The following OXR1 variants were observed in gnomAD, a reference collection of about 807,000 sequenced individuals.
The protein encoded by OXR1 is oxidation resistance 1.
A neutral mutation model predicts 104.6 loss-of-function variants in OXR1; 41 were observed. That is an observed-to-expected ratio of 0.39 (90% CI 0.31 to 0.51). OXR1 has a LOEUF of 0.51. Among genes scored for constraint, OXR1 ranks in the 20% least tolerant of loss-of-function variants. The pLI is 0.77. For missense variants in OXR1, 955 were observed against 1,031.9 expected, an observed-to-expected ratio of 0.93 and a Z score of 1.02; for synonymous variants, 348 against 348.4, an observed-to-expected ratio of 1.00 and a Z score of 0.01.
chr8:106,328,857 G>A (rs2130213288), intron 1 of OXR1, among the ~76,000 whole-genome samples: 1 of 152,256 alleles, frequency 6.6e-6, no homozygotes, highest in South Asian at 2.1e-4. Flanking sequence ...TGGCATTAAT[G>A]CTCCTGCAGG....
At chr8:106,294,886 C>T (rs1263178739) in intron 1 of OXR1, among the ~76,000 whole-genome samples, 1 of 152,094 alleles carries the variant, frequency 6.6e-6, no homozygotes. Flanking sequence ...ATCTTTTAAC[C>T]ATTCTACATG....
chr8:106,271,343 G>A (rs925258492), intron 1 of OXR1, among the ~76,000 whole-genome samples: 6 of 152,106 alleles, frequency 3.9e-5, no homozygotes, highest in African/African-American at 1.4e-4. Context: ...TCGTTTACGG[G>A]GGGAGCTGCT....
At chr8:106,588,956 ACT>A (rs1818861443) in intron 3 of OXR1, among the ~76,000 whole-genome samples, 1 of 152,212 alleles carries the variant, frequency 6.6e-6, no homozygotes, top group Admixed American at 6.5e-5. Flanking sequence ...TCCATCACAC[ACT>A]GTGTGCAAAG....
intron 7 of OXR1, 61 bp downstream of exon 7, chr8:106,692,938 T>C: frequency 8.4e-7 from 1 of 1,196,552 alleles, no homozygotes; most frequent in Non-Finnish European, 1.2e-6. Context: ...TAATGTATGA[T>C]AGTTTGGCAT....
intron 1 of OXR1, among the ~76,000 whole-genome samples, chr8:106,359,052 TTTCTTTCTTTCTTTCTTTC>T: frequency 5.3e-5 from 1 of 18,802 alleles, no homozygotes; most frequent in Non-Finnish European, 2.9e-4. Flanking sequence ...AATTCTTTTC[TTTCTTTCTTTCTTTCTTTC>T]TTTCTTTCTT....
chr8:106,381,624 G>A (rs1169592336), intron 2 of OXR1, among the ~76,000 whole-genome samples: 1 of 152,138 alleles, frequency 6.6e-6, no homozygotes, highest in Non-Finnish European at 1.5e-5. Context: ...TACTGTTCAT[G>A]TGGGCCTGTT....
At chr8:106,657,814 C>A (rs1274041226) in intron 3 of OXR1, 2 of 1,232,294 alleles carry the variant, frequency 1.6e-6, no homozygotes. Flanking sequence ...CCTGATGGTC[C>A]GTCCCCGGGC....
chr8:106,369,987 G>A (rs954209888), intron 2 of OXR1, among the ~76,000 whole-genome samples: 8 of 152,140 alleles, frequency 5.3e-5, no homozygotes, highest in African/African-American at 1.9e-4. Context: ...ATTACTTCGG[G>A]CTGTTTGGCC....
intron 1 of OXR1, among the ~76,000 whole-genome samples, chr8:106,293,207 C>T (rs1812830184): frequency 6.6e-6 from 1 of 152,182 alleles, no homozygotes; most frequent in Admixed American, 6.5e-5. Flanking sequence ...TGGTCTGTAA[C>T]AACATGAGAA....
At chr8:106,507,323 T>C (rs1429589141) in intron 2 of OXR1, among the ~76,000 whole-genome samples, 4 of 152,114 alleles carry the variant, frequency 2.6e-5, no homozygotes, top group Non-Finnish European at 5.9e-5. Flanking sequence ...ATTTTACAAA[T>C]GAGGAAACTA....
At chr8:106,431,883 A>C (rs866636714) in intron 2 of OXR1, among the ~76,000 whole-genome samples, 1 of 152,222 alleles carries the variant, frequency 6.6e-6, no homozygotes, top group Non-Finnish European at 1.5e-5. Context: ...CCAATGTAGC[A>C]AATGTTAAGA....
chr8:106,638,891 T>G (rs1458514097), intron 3 of OXR1, among the ~76,000 whole-genome samples: 1 of 128,986 alleles, frequency 7.8e-6, no homozygotes, highest in East Asian at 2.1e-4. Context: ...GAGACTCCAT[T>G]TCAAAAAAAA....
intron 2 of OXR1, among the ~76,000 whole-genome samples, chr8:106,386,403 T>C (rs1429062149): frequency 6.6e-6 from 1 of 152,206 alleles, no homozygotes; most frequent in Non-Finnish European, 1.5e-5. Flanking sequence ...AAGCAAGTTT[T>C]TCTATAGAAA....
chr8:106,592,840 T>C (rs1182909879), intron 3 of OXR1, among the ~76,000 whole-genome samples: 2 of 152,170 alleles, frequency 1.3e-5, no homozygotes, highest in African/African-American at 2.4e-5. Context: ...AGGAGCTCAC[T>C]CTGGATGTTG....
At chr8:106,641,539 G>A (rs971425143) in intron 3 of OXR1, among the ~76,000 whole-genome samples, 1 of 152,176 alleles carries the variant, frequency 6.6e-6, no homozygotes, top group African/African-American at 2.4e-5. Flanking sequence ...GGTGTAAGGT[G>A]GTTATGGGAG....
intron 13 of OXR1, 166 bp from the exon 14 acceptor site, chr8:106,740,177 G>A (rs1441844487): frequency 5.7e-6 from 3 of 527,184 alleles, no homozygotes; most frequent in South Asian, 3.0e-5. Flanking sequence ...TGAGAAATGT[G>A]TAATACTTTT....
intron 13 of OXR1, 64 bp from the exon 14 acceptor site, chr8:106,740,279 C>T (rs1834809959): frequency 8.0e-7 from 1 of 1,247,618 alleles, no homozygotes. Flanking sequence ...TTCCAGCTGG[C>T]ATTAGTATTC....
intron 16 of OXR1, 96 bp from the exon 17 acceptor site, chr8:106,750,706 AAATT>A (rs1835830154): frequency 6.0e-6 from 5 of 828,582 alleles, no homozygotes; most frequent in African/African-American, 1.8e-5. Flanking sequence ...GGATTTGAGA[AAATT>A]AATAACTTTA....
In OXR1 at chr8:106,694,927, TTATA is replaced by T. The variant is rs74820226; in HGVS notation, c.675+2059_675+2062del. 1.3e-4 allele frequency among the ~76,000 whole-genome samples: 18 copies of T among 136,628 alleles called. No homozygotes were observed. The South Asian group carries it at 3.5e-3, about 26-fold the overall frequency. 89.6% of individuals were successfully genotyped at this position (136,628 alleles called of 152,430 possible). ...TATCTATTTACATATTTATATATATTTATATATATATAAATATAAAATATTTATA... is the reference window on the plus strand; with the variant it reads ...TATCTATTTACATATTTATATATATTTATATATAAATATAAAATATTTATA... On this transcript the variant is annotated intron_variant, in intron 7 of 16. Transcript: ENST00000517566.
Sources: gnomAD v4.1 joint callset for allele counts (sites outside exome capture counted in the v4.1 genomes callset) on GRCh38, gnomAD v4.1.1 for gene constraint, MANE v1.5 for transcripts, NCBI Gene and HGNC (gene_info 2026-07-23, HGNC 2026-07-21) for gene names.